DCC: variants seen among roughly 807,000 people sequenced by gnomAD.
DCC encodes the protein netrin receptor DCC.
Under a neutral mutation model 172.5 loss-of-function variants are expected in DCC, and 58 were observed. The ratio of observed to expected loss-of-function variants is 0.34; its 90% confidence interval spans 0.27 to 0.42. DCC has a LOEUF of 0.42. Ranked by LOEUF, DCC falls within the 10% of genes least tolerant of loss-of-function variation. The probability of loss-of-function intolerance (pLI) is 1.00; values close to 1 mark genes in which losing one functional copy is unlikely to be tolerated. For missense variants in DCC, 1,740 were observed against 1,791.0 expected, an observed-to-expected ratio of 0.97 and a Z score of 0.51; for synonymous variants, 709 against 644.5, an observed-to-expected ratio of 1.10 and a Z score of -1.52.
intron 1 of DCC, among the ~76,000 whole-genome samples, chr18:52,696,883 AAATAAAAGTT>A (rs11278775): frequency 0.59 from 88,728 of 151,576 alleles, 26,944 homozygotes; most frequent in Admixed American, 0.69. Context: ...CTTGCATCAG[AAATAAAAGTT>A]AATAAAAGTT....
chr18:53,159,506 G>C (rs561020565), intron 8 of DCC, among the ~76,000 whole-genome samples: 71 of 152,192 alleles, frequency 4.7e-4, no homozygotes, highest in Admixed American at 1.0e-3. Flanking sequence ...CTCACTGTTT[G>C]TAGTTACCTT....
At chr18:52,541,893 A>ATG (rs1568220180) in intron 1 of DCC, among the ~76,000 whole-genome samples, 3 of 139,988 alleles carry the variant, frequency 2.1e-5, no homozygotes, top group African/African-American at 5.2e-5. Flanking sequence ...ATATATATAT[A>ATG]TATGTGTATA....
At chr18:52,894,749 G>A (rs1438493973) in intron 2 of DCC, among the ~76,000 whole-genome samples, 1 of 152,030 alleles carries the variant, frequency 6.6e-6, no homozygotes, top group African/African-American at 2.4e-5. Context: ...TAATGTCCCA[G>A]CTCAAGCAGT....
At chr18:52,590,303 C>T (rs1435295546) in intron 1 of DCC, among the ~76,000 whole-genome samples, 3 of 151,726 alleles carry the variant, frequency 2.0e-5, no homozygotes, top group South Asian at 2.1e-4. Context: ...CTAACCAAAG[C>T]CAATGCTATG....
chr18:53,289,894 A>G (rs1201867769), intron 12 of DCC, among the ~76,000 whole-genome samples: 1 of 152,206 alleles, frequency 6.6e-6, no homozygotes, highest in African/African-American at 2.4e-5. Flanking sequence ...ATTTTCCTAA[A>G]AATTTTCTCT....
intron 2 of DCC, among the ~76,000 whole-genome samples, chr18:52,840,572 C>G (rs12185377): frequency 6.6e-6 from 1 of 151,750 alleles, no homozygotes; most frequent in Non-Finnish European, 1.5e-5. Context: ...ATTAACCTAA[C>G]GAAACTGTCC....
At chr18:52,710,146 T>C (rs1023695892) in intron 1 of DCC, among the ~76,000 whole-genome samples, 2 of 152,254 alleles carry the variant, frequency 1.3e-5, no homozygotes, top group African/African-American at 4.8e-5. Flanking sequence ...AAGATGCTTA[T>C]TGCAGCTGCA....
intron 22 of DCC, among the ~76,000 whole-genome samples, chr18:53,449,007 A>G (rs1431190787): frequency 2.6e-5 from 4 of 152,352 alleles, no homozygotes; most frequent in Non-Finnish European, 2.9e-5. Context: ...GTTGTTTTAC[A>G]TGTATTTTAT....
intron 1 of DCC, among the ~76,000 whole-genome samples, chr18:52,595,949 C>T (rs1357277037): frequency 6.6e-6 from 1 of 152,172 alleles, no homozygotes; most frequent in Non-Finnish European, 1.5e-5. Context: ...TTTAATTCTT[C>T]TTTCAGATGC....
intron 13 of DCC, among the ~76,000 whole-genome samples, chr18:53,318,487 G>A (rs2057369270): frequency 6.6e-6 from 1 of 152,154 alleles, no homozygotes; most frequent in African/African-American, 2.4e-5. Flanking sequence ...TTCTGTAGAT[G>A]TCTGTTAGGT....
intron 5 of DCC, among the ~76,000 whole-genome samples, chr18:52,940,659 A>G (rs1281334281): frequency 2.0e-5 from 3 of 152,212 alleles, no homozygotes; most frequent in Non-Finnish European, 4.4e-5. Context: ...TCAGCTGTGG[A>G]AAGTGTAATT....
At chr18:53,178,507 T>C (rs1448596063) in intron 8 of DCC, among the ~76,000 whole-genome samples, 2 of 152,118 alleles carry the variant, frequency 1.3e-5, no homozygotes, top group Non-Finnish European at 2.9e-5. Context: ...TTTCATACAA[T>C]GAGAGAAAAT....
chr18:53,366,457 G>A (rs769100135), intron 15 of DCC, among the ~76,000 whole-genome samples: 1 of 152,024 alleles, frequency 6.6e-6, no homozygotes, highest in African/African-American at 2.4e-5. Context: ...CAGAAAGAAT[G>A]GTAGGCACTA....
chr18:52,780,573 TTATG>T (rs1303936732), intron 2 of DCC, among the ~76,000 whole-genome samples: 2 of 152,144 alleles, frequency 1.3e-5, no homozygotes, highest in African/African-American at 4.8e-5. Context: ...CTGTGTATAT[TTATG>T]CTTACGTTTG....
intron 12 of DCC, among the ~76,000 whole-genome samples, chr18:53,268,689 T>C (rs985280013): frequency 2.6e-5 from 4 of 152,186 alleles, no homozygotes; most frequent in Non-Finnish European, 1.5e-5. Flanking sequence ...AATGTTTTTA[T>C]GGAGGAATCG....
At chr18:52,493,596 A>G (rs899307129) in intron 1 of DCC, among the ~76,000 whole-genome samples, 2 of 150,034 alleles carry the variant, frequency 1.3e-5, no homozygotes, top group African/African-American at 4.9e-5. Flanking sequence ...ATATTATTTT[A>G]TTTGTTTTCT....
intron 12 of DCC, among the ~76,000 whole-genome samples, chr18:53,292,759 GC>G: frequency 6.6e-6 from 1 of 152,254 alleles, no homozygotes; most frequent in East Asian, 1.9e-4. Flanking sequence ...TCTTTGAGAA[GC>G]AAAAGAACAT....
intron 1 of DCC, among the ~76,000 whole-genome samples, chr18:52,642,006 G>T (rs1243603277): frequency 3.7e-4 from 14 of 38,112 alleles, no homozygotes; most frequent in African/African-American, 1.0e-3. Flanking sequence ...AAACTGTGGT[G>T]TGTGTGTGTA....
chr18:53,351,348 TACAC>T (rs1317403637), intron 15 of DCC, among the ~76,000 whole-genome samples: 3 of 54,728 alleles, frequency 5.5e-5, no homozygotes, highest in African/African-American at 9.2e-5. Flanking sequence ...TATATATATA[TACAC>T]AGTATATATA....
Sources: allele counts gnomAD v4.1 joint callset (sites outside exome capture counted in the v4.1 genomes callset), GRCh38; gene constraint gnomAD v4.1.1; transcripts MANE v1.5; gene names NCBI Gene and HGNC (gene_info 2026-07-23, HGNC 2026-07-21).